Variants in SPART observed in about 807,000 individuals in gnomAD.
SPART encodes spartin, also known as spastic paraplegia 20 (Troyer syndrome).
In SPART, 35 loss-of-function variants were observed where a neutral mutation model predicts 58.7. That is an observed-to-expected ratio of 0.60 (90% confidence interval 0.46 to 0.79). SPART has a LOEUF of 0.79. SPART is among the 30% of genes least tolerant of loss of function. The pLI, the probability that SPART is intolerant of heterozygous loss-of-function variation, is 0.00. For synonymous variants in SPART, 284 were observed against 280.7 expected, an observed-to-expected ratio of 1.01 and a Z score of -0.12; for missense variants, 730 against 786.1, an observed-to-expected ratio of 0.93 and a Z score of 0.85.
chr13:36,364,117 C>T (rs1315472898), intron 1 of SPART, among the ~76,000 whole-genome samples: 3 of 152,244 alleles, frequency 2.0e-5, no homozygotes, highest in East Asian at 3.9e-4. Flanking sequence ...CTGTCCTGAA[C>T]GCTATTCCGT....
At chr13:36,358,017 G>C (rs896877227) in intron 1 of SPART, among the ~76,000 whole-genome samples, 3 of 152,178 alleles carry the variant, frequency 2.0e-5, no homozygotes. Context: ...GAGCCTGATT[G>C]CCCAAATGAA....
In SPART at chr13:36,303,486, C is replaced by CCAATGACCGAATCCCAGAATAAAAATGT. The variant is rs1397314641; in HGVS notation, c.*851_*878dup. On this transcript the variant is annotated 3_prime_UTR_variant, in exon 9 of 9. Coordinates refer to ENST00000438666, the MANE Select transcript of SPART (RefSeq NM_015087.5). ...AATAACTTGTCTTTTAATATAAATT[C>CCAATGACCGAATCCCAGAATAAAAATGT]CAATGACCGAATCCCAGAATAAAAA... 1.3e-5 allele frequency: 2 copies of CCAATGACCGAATCCCAGAATAAAAATGT among 151,962 alleles called. No homozygotes were observed. Among genetic ancestry groups the CCAATGACCGAATCCCAGAATAAAAATGT allele is most frequent in the East Asian group, 3.9e-4 (2 of 5,194 alleles). The allele number at this position is 151,962 out of a possible 1,614,324, so 9.4% of individuals were successfully genotyped here. A position where few individuals can be genotyped will look rare whatever the true frequency, so the allele number is the denominator to read the frequency against.
intron 1 of SPART, among the ~76,000 whole-genome samples, chr13:36,363,228 A>G (rs937352702): frequency 3.3e-5 from 5 of 152,240 alleles, no homozygotes; most frequent in Non-Finnish European, 7.3e-5. Flanking sequence ...AAACAATAAC[A>G]ACCAAAATGA....
intron 1 of SPART, among the ~76,000 whole-genome samples, chr13:36,361,041 A>G (rs1424820656): frequency 6.6e-6 from 1 of 152,216 alleles, no homozygotes; most frequent in Non-Finnish European, 1.5e-5. Context: ...TCATGGAGCT[A>G]AAATTCATGG....
At chr13:36,317,529 C>CT (rs113158205) in intron 5 of SPART, among the ~76,000 whole-genome samples, 144,556 of 146,514 alleles carry the variant, frequency 0.99, 71,332 homozygotes, top group East Asian at 1. Context: ...TTCCGTGCCC[C>CT]ACCCCTTATT....
chr13:36,312,737 G>A (rs1881264191), intron 6 of SPART, among the ~76,000 whole-genome samples: 1 of 151,966 alleles, frequency 6.6e-6, no homozygotes, highest in African/African-American at 2.4e-5. Context: ...AGCATAGACT[G>A]GTTATTTTTT....
At chr13:36,328,599 C>A (rs1022363873) in intron 4 of SPART, among the ~76,000 whole-genome samples, 4 of 152,168 alleles carry the variant, frequency 2.6e-5, no homozygotes, top group African/African-American at 9.7e-5. Context: ...TTCCATTAGA[C>A]AGTAAATTCA....
intron 1 of SPART, among the ~76,000 whole-genome samples, chr13:36,340,766 T>C (rs1240364839): frequency 7.9e-6 from 1 of 126,470 alleles, no homozygotes; most frequent in Non-Finnish European, 1.8e-5. Context: ...CTAATGTGAT[T>C]GTAAGCTCTG....
In SPART at chr13:36,304,174, G is replaced by A. The variant is rs1880249231; in HGVS notation, c.*191C>T. ...TGAGAATATAACTTCACATTTCTAA[G>A]GCCAGATGCAAGAATACTTATTCTT... On this transcript the variant is annotated 3_prime_UTR_variant, in exon 9 of 9. Coordinates refer to ENST00000438666, the MANE Select transcript of SPART (RefSeq NM_015087.5). 6.1e-6 allele frequency: 4 copies of A among 660,822 alleles called. No individual in the cohort carries two copies. The South Asian group carries it at 7.7e-5, about 13-fold the overall frequency. 40.9% of individuals were successfully genotyped at this position (660,822 alleles called of 1,614,324 possible).
chr13:36,316,549 A>T (rs1285631795), intron 5 of SPART, among the ~76,000 whole-genome samples: 4 of 151,878 alleles, frequency 2.6e-5, no homozygotes, highest in African/African-American at 9.7e-5. Flanking sequence ...CTCAAAAAGC[A>T]CCCCCACTGA....
At chr13:36,338,514 G>T (rs1454225814) in intron 1 of SPART, among the ~76,000 whole-genome samples, 1 of 152,142 alleles carries the variant, frequency 6.6e-6, no homozygotes, top group African/African-American at 2.4e-5. Context: ...GAAAAAAGAG[G>T]ACTGGTTGAA....
At chr13:36,327,121 T>A (rs556586825) in intron 4 of SPART, among the ~76,000 whole-genome samples, 1 of 152,104 alleles carries the variant, frequency 6.6e-6, no homozygotes, top group South Asian at 2.1e-4. Context: ...TTGACAGAGA[T>A]CAAACAAATG....
intron 1 of SPART, among the ~76,000 whole-genome samples, chr13:36,342,442 A>G (rs1884670790): frequency 2.0e-5 from 3 of 152,220 alleles, no homozygotes; most frequent in Non-Finnish European, 4.4e-5. Flanking sequence ...GCACTTAACA[A>G]AAAAAGTTTA....
rs1178099515 is a variant in SPART at position 36,302,947 on chromosome 13, T to C, written c.*1418A>G. On this transcript the variant is annotated 3_prime_UTR_variant, in exon 9 of 9. Coordinates refer to ENST00000438666, the MANE Select transcript of SPART (RefSeq NM_015087.5). The stretch of plus-strand genomic sequence containing the variant: ...TCTATCTCCTTAAGTTTGATTATTG[T>C]AATTTTTAGCTCCCACAAATGAGAA... The C allele has an allele frequency of 2.6e-5, 4 of 152,150 alleles. No homozygotes were observed. Among genetic ancestry groups the C allele is most frequent in the African/African-American group, 9.7e-5 (4 of 41,440 alleles). The allele number at this position is 152,150 out of a possible 1,614,324, so 9.4% of individuals were successfully genotyped here. A position where few individuals can be genotyped will look rare whatever the true frequency, so the allele number is the denominator to read the frequency against.
chr13:36,321,732 A>G (rs1882422667), intron 5 of SPART, among the ~76,000 whole-genome samples: 1 of 152,208 alleles, frequency 6.6e-6, no homozygotes. Context: ...TAATATAAGA[A>G]GTCAGGAATG....
chr13:36,362,374 T>G (rs1315880803), intron 1 of SPART, among the ~76,000 whole-genome samples: 5 of 99,094 alleles, frequency 5.0e-5, no homozygotes, highest in East Asian at 2.7e-4. Context: ...AAAATACCCA[T>G]GTTATGGAAG....
intron 1 of SPART, among the ~76,000 whole-genome samples, chr13:36,367,811 C>A (rs1016021388): frequency 6.6e-6 from 1 of 152,086 alleles, no homozygotes; most frequent in Non-Finnish European, 1.5e-5. Flanking sequence ...TCTGGCACAG[C>A]GTCCTCTAGT....
In SPART at chr13:36,335,345, T is replaced by G; in HGVS notation, c.486A>C (p.Pro162=). 1 of 1,614,076 alleles carries G rather than the reference T, an allele frequency of 6.2e-7. No homozygotes were observed. Among genetic ancestry groups the G allele is most frequent in the Non-Finnish European group, 8.5e-7 (1 of 1,179,996 alleles). Residue 162 remains proline (P), a synonymous_variant, in exon 2 of 9, where the codon CCA becomes CCC. Coordinates refer to ENST00000438666, the MANE Select transcript of SPART (RefSeq NM_015087.5). ...AVAAPASLSL[P]SQSCPAEAPP... ...GAGCTTCTGCTGGACAACTTTGTGA[T>G]GGTAAAGACAGAGAAGCAGGTGCAG...
rs201126199 is a variant in SPART, at chr13:36,331,398, C to G, written c.1008+1G>C. On this transcript the variant is annotated splice_donor_variant, in intron 3 of 8. Coordinates refer to ENST00000438666, the MANE Select transcript of SPART (RefSeq NM_015087.5). LOFTEE classifies it high-confidence loss of function. ...ACCCTAAAGATGATCACACAAGTTA[C>G]CTGGAGCCGAAGGTCAGACATTTGC... is the stretch of plus-strand genomic sequence containing the variant. 2 of 1,613,832 alleles carry G rather than the reference C, an allele frequency of 1.2e-6. No homozygotes were observed. Among genetic ancestry groups the G allele is most frequent in the Non-Finnish European group, 1.7e-6 (2 of 1,179,798 alleles).
Sources: allele counts gnomAD v4.1 joint callset (sites outside exome capture counted in the v4.1 genomes callset), GRCh38; gene constraint gnomAD v4.1.1; transcripts MANE v1.5; gene names NCBI Gene and HGNC (gene_info 2026-07-23, HGNC 2026-07-21).